The following HLCS variants were observed in gnomAD, a reference collection of about 807,000 sequenced individuals.
HLCS encodes holocarboxylase synthetase.
A neutral mutation model predicts 75.0 loss-of-function variants in HLCS; 53 were observed. The observed-to-expected ratio is 0.71, with a 90% CI of 0.57 to 0.89. HLCS has a LOEUF of 0.89. Ranked by LOEUF, HLCS falls within the 40% of genes least tolerant of loss-of-function variation. The probability of loss-of-function intolerance (pLI) is 0.00; values close to 1 mark genes in which losing one functional copy is unlikely to be tolerated. For missense variants in HLCS, 966 were observed against 1,074.0 expected (o/e 0.90, Z 1.41); for synonymous variants, 431 against 428.6 (o/e 1.01, Z -0.07).
chr21:36,797,886 A>ATACAGCAG (rs1479105513), intron 6 of HLCS, among the ~76,000 whole-genome samples: 1 of 152,226 alleles, frequency 6.6e-6, no homozygotes, highest in East Asian at 1.9e-4. Flanking sequence ...AGACCGAGAA[A>ATACAGCAG]TACAGCAGTA....
At chr21:36,973,227 C>CTTTT (rs11327894) in intron 1 of HLCS, among the ~76,000 whole-genome samples, 15 of 91,024 alleles carry the variant, frequency 1.6e-4, no homozygotes, top group East Asian at 3.4e-4. Flanking sequence ...AAGACCCTGT[C>CTTTT]TTTTTTTTTT....
chr21:36,780,418 C>A (rs1019889279), intron 6 of HLCS, among the ~76,000 whole-genome samples: 1 of 151,916 alleles, frequency 6.6e-6, no homozygotes, highest in Non-Finnish European at 1.5e-5. Flanking sequence ...TGGGGTTTCA[C>A]CATGTTAGCC....
At chr21:36,847,513 A>G (rs2146122061) in intron 6 of HLCS, among the ~76,000 whole-genome samples, 1 of 152,296 alleles carries the variant, frequency 6.6e-6, no homozygotes, top group East Asian at 1.9e-4. Flanking sequence ...GATTTTATAT[A>G]AGGTAAGTAA....
intron 6 of HLCS, among the ~76,000 whole-genome samples, chr21:36,891,494 G>A (rs955252579): frequency 7.9e-5 from 12 of 152,188 alleles, no homozygotes; most frequent in African/African-American, 2.7e-4. Flanking sequence ...TAAAAATGCA[G>A]CCTGATATGG....
chr21:36,805,792 G>A (rs1175933916), intron 6 of HLCS, among the ~76,000 whole-genome samples: 2 of 152,198 alleles, frequency 1.3e-5, no homozygotes, highest in African/African-American at 4.8e-5. Flanking sequence ...ACTAGCCACA[G>A]GGACAGCATA....
intron 6 of HLCS, among the ~76,000 whole-genome samples, chr21:36,859,372 T>C (rs2063309284): frequency 6.6e-6 from 1 of 152,176 alleles, no homozygotes; most frequent in Admixed American, 6.5e-5. Context: ...CCTGACTTGG[T>C]TCTCCTAGAA....
At chr21:36,855,343 C>T (rs1051878838) in intron 6 of HLCS, among the ~76,000 whole-genome samples, 1 of 150,652 alleles carries the variant, frequency 6.6e-6, no homozygotes, top group Non-Finnish European at 1.5e-5. Context: ...CCAGTCTTGT[C>T]AACATGGTGA....
chr21:36,755,569 C>A (rs985518004), intron 10 of HLCS, among the ~76,000 whole-genome samples: 12 of 152,246 alleles, frequency 7.9e-5, no homozygotes, highest in Non-Finnish European at 1.8e-4. Context: ...TCACGTCATT[C>A]CCACTGTCCT....
At chr21:36,821,871 A>G (rs2061852391) in intron 6 of HLCS, among the ~76,000 whole-genome samples, 2 of 151,976 alleles carry the variant, frequency 1.3e-5, no homozygotes, top group Admixed American at 6.6e-5. Flanking sequence ...GCTAAAATGG[A>G]GAAAGGGAAG....
intron 5 of HLCS, among the ~76,000 whole-genome samples, chr21:36,907,870 G>A (rs574661891): frequency 2.0e-5 from 3 of 152,054 alleles, no homozygotes; most frequent in African/African-American, 4.8e-5. Flanking sequence ...ATATCGGATC[G>A]CCAATAAGCA....
intron 4 of HLCS, among the ~76,000 whole-genome samples, chr21:36,931,695 G>C (rs2066648793): frequency 1.3e-5 from 2 of 151,672 alleles, no homozygotes. Flanking sequence ...GCTGCAGTCA[G>C]CCATGATCGT....
At chr21:36,823,500 AGAC>A (rs1341005720) in intron 6 of HLCS, among the ~76,000 whole-genome samples, 1 of 152,196 alleles carries the variant, frequency 6.6e-6, no homozygotes, top group African/African-American at 2.4e-5. Context: ...CAAGGATGCA[AGAC>A]GACTCAGGAA....
intron 2 of HLCS, among the ~76,000 whole-genome samples, chr21:36,945,122 A>G (rs550489716): frequency 6.6e-6 from 1 of 152,274 alleles, no homozygotes; most frequent in South Asian, 2.1e-4. Flanking sequence ...TCTATCTCAA[A>G]AAAATAAAAA....
rs1003074707 is a variant in HLCS, at chr21:36,837,243, T to C, written c.1892+59617A>G. On this transcript the variant is annotated intron_variant, in intron 6 of 10. Transcript: ENST00000674895. ...ATTTGACATTCTTGGTATTGGGACC[T>C]GACCTGCTTATTGTTCAGAAAGCTA... Among the ~76,000 whole-genome samples the C allele has an allele frequency of 2.6e-5, 4 of 152,352 alleles. No homozygotes were observed. The South Asian group carries it at 8.3e-4, about 32-fold the overall frequency.
At chr21:36,808,942 G>A (rs1174313592) in intron 6 of HLCS, among the ~76,000 whole-genome samples, 1 of 152,084 alleles carries the variant, frequency 6.6e-6, no homozygotes, top group Non-Finnish European at 1.5e-5. Context: ...GGGCAGGCGT[G>A]GTGGCTCACA....
Position 36,842,651 on chromosome 21 carries a change from G to A in HLCS, c.1892+54209C>T, listed in dbSNP as rs112115379. Among the ~76,000 whole-genome samples, 498 of 152,282 alleles carry A rather than the reference G, an allele frequency of 3.3e-3. 5 individuals carry two copies. The highest frequency in any genetic ancestry group is 6.8e-3 in the Middle Eastern group (2 of 294). ...CCAGCTACTTGGGAGGCTGAGGCACGAGAATTGCTTGAACCCGGGAGGTGG... is the reference window on the plus strand; with the variant it reads ...CCAGCTACTTGGGAGGCTGAGGCACAAGAATTGCTTGAACCCGGGAGGTGG... On this transcript the variant is annotated intron_variant, in intron 6 of 10. Coordinates refer to ENST00000674895, the MANE Select transcript of HLCS (RefSeq NM_001352514.2). The surrounding 1 kb of genome is among the most constrained non-coding windows in gnomAD (Gnocchi z 4.2).
At chr21:36,837,097 C>A (rs977189523) in intron 6 of HLCS, among the ~76,000 whole-genome samples, 1 of 152,130 alleles carries the variant, frequency 6.6e-6, no homozygotes, top group Non-Finnish European at 1.5e-5. Context: ...GCAGAAGAAT[C>A]GCTTGAACCT....
chr21:36,976,363 G>A (rs2154530), intron 1 of HLCS, among the ~76,000 whole-genome samples: 62,320 of 151,942 alleles, frequency 0.41, 13,501 homozygotes, highest in South Asian at 0.53. Context: ...CTGACTATCA[G>A]TAAGTCATTA....
chr21:36,866,111 C>T (rs1206872229), intron 6 of HLCS, among the ~76,000 whole-genome samples: 6 of 136,996 alleles, frequency 4.4e-5, no homozygotes, highest in East Asian at 4.3e-4. Flanking sequence ...CTTTTGTGAG[C>T]GTGAATTGTA....
Sources: allele counts gnomAD v4.1 joint callset (sites outside exome capture counted in the v4.1 genomes callset), GRCh38; gene constraint gnomAD v4.1.1; non-coding constraint Gnocchi (gnomAD v3.1); transcripts MANE v1.5; gene names NCBI Gene and HGNC (gene_info 2026-07-23, HGNC 2026-07-21).